GOLGA8B: variants seen among roughly 807,000 people sequenced by gnomAD.
GOLGA8B encodes the protein golgin subfamily A member 8B.
A neutral mutation model predicts 15.6 loss-of-function variants in GOLGA8B; 1 was observed. The observed-to-expected ratio is 0.06, with a 90% CI of 0.02 to 0.30. The LOEUF is 0.30. Ranked by LOEUF, GOLGA8B falls within the 10% of genes least tolerant of loss-of-function variation. The pLI is 1.00. For missense variants in GOLGA8B, 17 were observed against 201.3 expected (o/e 0.08, Z 5.54); for synonymous variants, 9 against 80.3 (o/e 0.11, Z 4.75).
intron 1 of GOLGA8B, among the ~76,000 whole-genome samples, chr15:34,576,174 A>C (rs1012817276): frequency 1.3e-5 from 2 of 152,184 alleles, no homozygotes; most frequent in African/African-American, 4.8e-5. Flanking sequence ...CAGGGTTGCC[A>C]AAGTGAGGGG....
At chr15:34,557,672 G>GTGTGTGTGTC (rs1555405951) in intron 1 of GOLGA8B, among the ~76,000 whole-genome samples, 4 of 108,492 alleles carry the variant, frequency 3.7e-5, no homozygotes, top group Admixed American at 1.1e-4. Flanking sequence ...GTGTGTGTGT[G>GTGTGTGTGTC]TGTGTGTGTG....
intron 1 of GOLGA8B, among the ~76,000 whole-genome samples, chr15:34,579,042 T>A (rs1056434126): frequency 1.3e-5 from 2 of 152,012 alleles, no homozygotes; most frequent in African/African-American, 4.8e-5. Context: ...ATCAGTTCAA[T>A]ATCGCATCTC....
chr15:34,575,858 C>A (rs555929668), intron 1 of GOLGA8B, among the ~76,000 whole-genome samples: 1 of 152,240 alleles, frequency 6.6e-6, no homozygotes, highest in East Asian at 1.9e-4. Flanking sequence ...CCTGATCCCA[C>A]CCAGCTCTAA....
chr15:34,579,658 A>G (rs74007874), intron 1 of GOLGA8B, among the ~76,000 whole-genome samples: 4 of 152,156 alleles, frequency 2.6e-5, no homozygotes, highest in Admixed American at 2.6e-4. Flanking sequence ...CCCACTGAGT[A>G]AGGGTCTGTG....
intron 7 of GOLGA8B, among the ~76,000 whole-genome samples, chr15:34,544,261 TA>T (rs1888259359): frequency 2.2e-5 from 2 of 91,398 alleles, no homozygotes; most frequent in African/African-American, 1.0e-4. Flanking sequence ...AGTCCCTCTG[TA>T]AGAGTGAACG....
At chr15:34,573,292 AC>A (rs1357173689) in intron 1 of GOLGA8B, among the ~76,000 whole-genome samples, 1 of 152,150 alleles carries the variant, frequency 6.6e-6, no homozygotes, top group African/African-American at 2.4e-5. Flanking sequence ...TAATCGCAGC[AC>A]TTTGGGAGGC....
intron 1 of GOLGA8B, chr15:34,566,327 G>C (rs1468875444): frequency 7.0e-6 from 1 of 142,306 alleles, no homozygotes; most frequent in Non-Finnish European, 1.6e-5. Flanking sequence ...TATTTCAGAT[G>C]GTAAATTTCA....
At chr15:34,568,201 C>A (rs886314002) in intron 1 of GOLGA8B, among the ~76,000 whole-genome samples, 1 of 146,088 alleles carries the variant, frequency 6.8e-6, no homozygotes, top group African/African-American at 2.5e-5. Flanking sequence ...GATTTCAGAG[C>A]TGGAGAGAGC....
intron 1 of GOLGA8B, among the ~76,000 whole-genome samples, chr15:34,581,670 T>A (rs558813139): frequency 6.6e-6 from 1 of 151,986 alleles, no homozygotes; most frequent in East Asian, 1.9e-4. Flanking sequence ...AGAGAAAACA[T>A]GCAAGGTGGA....
intron 1 of GOLGA8B, among the ~76,000 whole-genome samples, chr15:34,571,765 A>G (rs1272705936): frequency 3.3e-5 from 5 of 152,222 alleles, no homozygotes; most frequent in African/African-American, 9.6e-5. Context: ...ACAGAAACCC[A>G]TTCTCTAAGT....
At chr15:34,556,112 TGAG>T in intron 1 of GOLGA8B, 1 of 175,862 alleles carries the variant, frequency 5.7e-6, no homozygotes, top group Non-Finnish European at 1.0e-5. Context: ...ACGACACCTC[TGAG>T]GAGGACGACT....
In GOLGA8B at chr15:34,559,086, C is replaced by T. The variant is rs1353492323; in HGVS notation, c.-1122-5130G>A. Among the ~76,000 whole-genome samples the T allele has an allele frequency of 1.7e-3, 225 of 131,416 alleles. 1 individual carries two copies. Among genetic ancestry groups the T allele is most frequent in the African/African-American group, 3.9e-3 (127 of 32,820 alleles). 86.2% of individuals were successfully genotyped at this position (131,416 alleles called of 152,430 possible). On this transcript the variant is annotated intron_variant, in intron 1 of 23. Coordinates refer to ENST00000683415, the MANE Select transcript of GOLGA8B (RefSeq NM_001023567.5). Reference sequence around the variant, plus strand: ...CACATGCAATAGAATTTCATTCACCCTGAAAAGGGAAGGAAATTCTGACAC... The same window carrying T: ...CACATGCAATAGAATTTCATTCACCTTGAAAAGGGAAGGAAATTCTGACAC...
intron 1 of GOLGA8B, among the ~76,000 whole-genome samples, chr15:34,577,735 G>T (rs201885758): frequency 1.3e-4 from 19 of 150,466 alleles, no homozygotes; most frequent in East Asian, 4.0e-4. Context: ...CTGTGCTGAA[G>T]GTGTGTATCT....
At chr15:34,580,985 A>G (rs1294895021) in intron 1 of GOLGA8B, among the ~76,000 whole-genome samples, 4 of 152,144 alleles carry the variant, frequency 2.6e-5, no homozygotes, top group African/African-American at 2.4e-5. Context: ...CAGGGCCGCC[A>G]CCCAGGCCCA....
chr15:34,572,149 C>T (rs1026658905), intron 1 of GOLGA8B, among the ~76,000 whole-genome samples: 2 of 152,224 alleles, frequency 1.3e-5, no homozygotes, highest in Admixed American at 6.5e-5. Flanking sequence ...AAAGACTGAT[C>T]ATGTCCAGAG....
At position 34,564,732 on chromosome 15, in the gene GOLGA8B, C is replaced by T. The variant is rs11855623; in HGVS notation, c.-1122-10776G>A. Among the ~76,000 whole-genome samples the T allele has an allele frequency of 4.7e-4, 62 of 132,418 alleles. 4 individuals carry two copies. The highest frequency in any genetic ancestry group is 1.5e-3 in the African/African-American group (58 of 38,350). The allele number at this position is 132,418 out of a possible 152,430, so 86.9% of individuals were successfully genotyped here. ...TGTAGGGAGAGATGAGAAGTTCCAA[C>T]GAAAAGGGTGTGAGGTCTTTGGGGC... On this transcript the variant is annotated intron_variant, in intron 1 of 23. Coordinates refer to ENST00000683415, the MANE Select transcript of GOLGA8B (RefSeq NM_001023567.5).
Position 34,579,272 on chromosome 15 carries a change from C to T in GOLGA8B, c.-1123+4244G>A, listed in dbSNP as rs7180148. Among the ~76,000 whole-genome samples the T allele has an allele frequency of 7.5e-3, 1,132 of 151,910 alleles. 18 individuals are homozygous for T. Among genetic ancestry groups the T allele is most frequent in the African/African-American group, 0.026 (1,089 of 41,384 alleles). On this transcript the variant is annotated intron_variant, in intron 1 of 23. Transcript: ENST00000683415. ...TCTTCTCCAACCAGGCCAGGACACACGCAGGAGAGAGTCAAGCAGGAGGAG... is the reference window on the plus strand; with the variant it reads ...TCTTCTCCAACCAGGCCAGGACACATGCAGGAGAGAGTCAAGCAGGAGGAG...
chr15:34,578,296 CCT>C (rs1889136887), intron 1 of GOLGA8B, among the ~76,000 whole-genome samples: 1 of 152,230 alleles, frequency 6.6e-6, no homozygotes, highest in Non-Finnish European at 1.5e-5. Context: ...GCTCCCACGC[CCT>C]TTCCCCATCG....
At chr15:34,575,993 T>C (rs74007864) in intron 1 of GOLGA8B, among the ~76,000 whole-genome samples, 2 of 152,166 alleles carry the variant, frequency 1.3e-5, no homozygotes, top group Admixed American at 1.3e-4. Flanking sequence ...GGGTACCTGC[T>C]CCCGGTTGTA....
Sources: allele counts gnomAD v4.1 joint callset (sites outside exome capture counted in the v4.1 genomes callset), GRCh38; gene constraint gnomAD v4.1.1; transcripts MANE v1.5; gene names NCBI Gene and HGNC (gene_info 2026-07-23, HGNC 2026-07-21).